TBRG1: variants seen among roughly 807,000 people sequenced by gnomAD.
TBRG1 encodes nuclear interactor of ARF and MDM2.
Under a neutral mutation model 44.0 loss-of-function variants are expected in TBRG1, and 31 were observed. The ratio of observed to expected loss-of-function variants is 0.70; its 90% CI spans 0.53 to 0.95. The LOEUF (loss-of-function observed/expected upper bound fraction) is 0.95. TBRG1 is among the 40% of genes least tolerant of loss of function. The pLI is 0.00. For missense variants in TBRG1, 487 were observed against 496.1 expected (o/e 0.98, Z 0.18); for synonymous variants, 171 against 188.1 (o/e 0.91, Z 0.74).
rs1008416457 is a variant in TBRG1 at position 124,635,353 on chromosome 11, A to C, written c.*3115A>C. The stretch of plus-strand genomic sequence containing the variant: ...CCAACGTTCCTTGTAAAGTGTGTAG[A>C]TTTTTTGTTTTTTAACTAAATAAAA... On this transcript the variant is annotated 3_prime_UTR_variant, in exon 9 of 9. Coordinates refer to ENST00000441174, the MANE Select transcript of TBRG1 (RefSeq NM_032811.3). 6.6e-6 allele frequency: 1 copy of C among 152,152 alleles called. No individual in the cohort carries two copies. The highest frequency in any genetic ancestry group is 2.4e-5 in the African/African-American group (1 of 41,428). 9.4% of individuals were successfully genotyped at this position (152,152 alleles called of 1,614,324 possible).
rs1184582090 is a variant in TBRG1, at chr11:124,634,768, G to C, written c.*2530G>C. ...TAAGAAAATTATTTTGGTAAAGTAA[G>C]TAAGTCAAAAACACAGATTACAAAA... On this transcript the variant is annotated 3_prime_UTR_variant, in exon 9 of 9. Transcript: ENST00000441174. The C allele has an allele frequency of 1.3e-5, 2 of 152,064 alleles. No individual in the cohort carries two copies. The allele number at this position is 152,064 out of a possible 1,614,324, so 9.4% of individuals were successfully genotyped here. A position where few individuals can be genotyped will look rare whatever the true frequency, so the allele number is the denominator to read the frequency against.
In TBRG1 at chr11:124,631,265, G is replaced by T; in HGVS notation, c.948-10G>T. Reference sequence around the variant, plus strand: ...ATAACTCTCAAGGGTGATTTCCCTTGATTCTGCAGTTACCAGTGGGTGAAA... The same window carrying T: ...ATAACTCTCAAGGGTGATTTCCCTTTATTCTGCAGTTACCAGTGGGTGAAA... On this transcript the variant is annotated splice_polypyrimidine_tract_variant and intron_variant, in intron 7 of 8. Transcript: ENST00000441174. 6.4e-7 allele frequency: 1 copy of T among 1,556,294 alleles called. No homozygotes were observed. The highest frequency in any genetic ancestry group is 1.2e-5 in the South Asian group (1 of 80,906).
At chr11:124,623,311 C>G in intron 1 of TBRG1, 78 bp downstream of exon 1, 1 of 1,465,570 alleles carries the variant, frequency 6.8e-7, no homozygotes, top group Non-Finnish European at 9.3e-7. Flanking sequence ...TTCCCCCTTC[C>G]CAGTGTGACA....
chr11:124,631,928 C>A (rs1942622947), intron 8 of TBRG1, 165 bp from the exon 9 acceptor site: 7 of 610,062 alleles, frequency 1.1e-5, no homozygotes, highest in Middle Eastern at 4.5e-4. Context: ...ATGTTTCAAC[C>A]AGTTTTCATT....
chr11:124,625,348 T>C (rs1163436954), intron 2 of TBRG1, among the ~76,000 whole-genome samples: 1 of 152,278 alleles, frequency 6.6e-6, no homozygotes, highest in African/African-American at 2.4e-5. Context: ...CAAATATTTA[T>C]TCTGTACGTA....
intron 5 of TBRG1, among the ~76,000 whole-genome samples, 193 bp downstream of exon 5, chr11:124,627,243 T>C (rs912642225): frequency 6.6e-6 from 1 of 152,246 alleles, no homozygotes; most frequent in Non-Finnish European, 1.5e-5. Context: ...GAATCTATTA[T>C]CTGTCTCATT....
chr11:124,634,959 C>T lies in TBRG1; in HGVS notation c.*2721C>T, dbSNP rs948252793. 6.6e-6 allele frequency: 1 copy of T among 152,172 alleles called. No homozygotes were observed. Among genetic ancestry groups the T allele is most frequent in the African/African-American group, 2.4e-5 (1 of 41,444 alleles). 9.4% of individuals were successfully genotyped at this position (152,172 alleles called of 1,614,324 possible). A position where few individuals can be genotyped will look rare whatever the true frequency, so the allele number is the denominator to read the frequency against. On this transcript the variant is annotated 3_prime_UTR_variant, in exon 9 of 9. Transcript: ENST00000441174. ...TCATTTTAAAACTAAAAAGTTCTTA[C>T]ATTTGGGGAAATGCAGTGAATTCCC...
At position 124,625,903 on chromosome 11, in the gene TBRG1, G is replaced by A. The variant is rs753144685; in HGVS notation, c.454G>A (p.Val152Ile). The A allele has an allele frequency of 1.3e-6, 2 of 1,564,904 alleles. No homozygotes were observed. The highest frequency in any genetic ancestry group is 2.0e-5 in the Admixed American group (1 of 50,196). ...EKGKENNKLE[V>I]LKKTCKKKKM... is the part of the protein sequence containing the mutation. ...AGGCAAAGAGAACAACAAACTGGAA[G>A]GTACTTTGGGGAGATGATATCAGTT... The change falls in exon 3 of 9, where the codon GTT becomes ATT. Residue 152 changes from valine to isoleucine, a missense_variant and splice_region_variant. Coordinates refer to ENST00000441174, the MANE Select transcript of TBRG1 (RefSeq NM_032811.3).
At chr11:124,626,024 A>C (rs1942460511) in intron 3 of TBRG1, 121 bp downstream of exon 3, 1 of 1,315,884 alleles carries the variant, frequency 7.6e-7, no homozygotes, top group Admixed American at 3.2e-5. Context: ...CTGGTTCTTA[A>C]GGAGCCCTAG....
rs1942370160 is a variant in TBRG1 at position 124,622,930 on chromosome 11, C to A, written c.-154C>A. 3 of 807,736 alleles carry A rather than the reference C, an allele frequency of 3.7e-6. No homozygotes were observed. Among genetic ancestry groups the A allele is most frequent in the Admixed American group, 3.1e-5 (1 of 31,926 alleles). The allele number at this position is 807,736 out of a possible 1,614,324, so 50.0% of individuals were successfully genotyped here. The stretch of plus-strand genomic sequence containing the variant: ...CCCGTTCGGTTGCGGGTGTCTCTGG[C>A]CCTGCGGTCAGCCCTGGGAACGTCC... On this transcript the variant is annotated 5_prime_UTR_variant, in exon 1 of 9. Transcript: ENST00000441174.
At chr11:124,627,071 C>G in intron 5 of TBRG1, 21 bp downstream of exon 5, 4 of 1,455,812 alleles carry the variant, frequency 2.7e-6, no homozygotes, top group South Asian at 1.2e-5. Context: ...TAATAATAAC[C>G]ACTGTTTGTC....
intron 4 of TBRG1, 92 bp from the exon 5 acceptor site, chr11:124,626,812 G>A: frequency 6.5e-7 from 1 of 1,543,466 alleles, no homozygotes; most frequent in Non-Finnish European, 8.8e-7. Flanking sequence ...ACTCTTTGCA[G>A]CCCCAAAGTG....
Position 124,630,867 on chromosome 11 carries a change from C to G in TBRG1, c.947+12C>G. ...CGAAAATGCATCAAGTAAGTGTGAT[C>G]AAATTCATTCCCTTGAGAAAAGCTC... On this transcript the variant is annotated intron_variant, in intron 7 of 8. Coordinates refer to ENST00000441174, the MANE Select transcript of TBRG1 (RefSeq NM_032811.3). 6.6e-7 allele frequency: 1 copy of G among 1,511,904 alleles called. No individual in the cohort carries two copies. Among genetic ancestry groups the G allele is most frequent in the Non-Finnish European group, 9.1e-7 (1 of 1,102,214 alleles). 93.7% of individuals were successfully genotyped at this position (1,511,904 alleles called of 1,614,324 possible). A position where few individuals can be genotyped will look rare whatever the true frequency, so the allele number is the denominator to read the frequency against.
At position 124,625,689 on chromosome 11, in the gene TBRG1, C is replaced by T. The variant is rs1410425613; in HGVS notation, c.240C>T (p.Leu80=). The change falls in exon 3 of 9, where the codon CTC becomes CTT. Residue 80 remains leucine (L), a synonymous_variant. Coordinates refer to ENST00000441174, the MANE Select transcript of TBRG1 (RefSeq NM_032811.3). ...ATCTCAGGTACTTGCTAAAGAAGCT[C>T]CTCCAGCTTCAGGCTCTAACTGAAG... ...KEERRYLLKK[L]LQLQALTEGE... is the part of the protein sequence containing the mutation. 3 of 1,551,614 alleles carry T rather than the reference C, an allele frequency of 1.9e-6. No individual in the cohort carries two copies. Among genetic ancestry groups the T allele is most frequent in the African/African-American group, 1.4e-5 (1 of 73,036 alleles).
chr11:124,631,794 C>G, intron 8 of TBRG1: 1 of 432,612 alleles, frequency 2.3e-6, no homozygotes, highest in Non-Finnish European at 4.2e-6. Flanking sequence ...ATGAGTTCCT[C>G]CCACAAATGA....
At chr11:124,630,088 C>A (rs901103571) in intron 5 of TBRG1, 3 of 246,058 alleles carry the variant, frequency 1.2e-5, no homozygotes, top group Admixed American at 9.4e-5. Context: ...TTTTAAAATA[C>A]CATTTGTATT....
intron 5 of TBRG1, 155 bp from the exon 6 acceptor site, chr11:124,630,233 A>C (rs79526673): frequency 0.012 from 7,457 of 623,414 alleles, 402 homozygotes; most frequent in African/African-American, 0.12. Context: ...GATTTGTTTC[A>C]ATTTTTAGCA....
chr11:124,629,414 A>T (rs570321602), intron 5 of TBRG1, among the ~76,000 whole-genome samples: 1 of 152,360 alleles, frequency 6.6e-6, no homozygotes, highest in African/African-American at 2.4e-5. Context: ...AGAAATAAAT[A>T]TAAAACATTA....
chr11:124,635,151 C>T lies in TBRG1; in HGVS notation c.*2913C>T, dbSNP rs145144213. 1 of 152,300 alleles carries T rather than the reference C, an allele frequency of 6.6e-6. No homozygotes were observed. The highest frequency in any genetic ancestry group is 2.4e-5 in the African/African-American group (1 of 41,554). 9.4% of individuals were successfully genotyped at this position (152,300 alleles called of 1,614,324 possible). A position where few individuals can be genotyped will look rare whatever the true frequency, so the allele number is the denominator to read the frequency against. On this transcript the variant is annotated 3_prime_UTR_variant, in exon 9 of 9. Coordinates refer to ENST00000441174, the MANE Select transcript of TBRG1 (RefSeq NM_032811.3). ...ACCTCTGGCTGCCCCCGAATTAGAA[C>T]AGCCCATGGGGGTATGTGTATTGGG...
Sources: gnomAD v4.1 joint callset for allele counts (sites outside exome capture counted in the v4.1 genomes callset) on GRCh38, gnomAD v4.1.1 for gene constraint, MANE v1.5 for transcripts, NCBI Gene and HGNC (gene_info 2026-07-23, HGNC 2026-07-21) for gene names.